The following CA10 variants were observed in gnomAD, a reference collection of about 807,000 sequenced individuals.
The protein encoded by CA10 is carbonic anhydrase 10 (inactive), also known as carbonic anhydrase-related protein 10.
In CA10, 14 loss-of-function variants were observed where a neutral mutation model predicts 44.2. The observed-to-expected ratio is 0.32, with a 90% CI of 0.21 to 0.50. The LOEUF is 0.50. Ranked by LOEUF, CA10 falls within the 20% of genes least tolerant of loss-of-function variation. The pLI is 0.99. For missense variants in CA10, 350 were observed against 409.7 expected (o/e 0.85, Z 1.26); for synonymous variants, 159 against 141.6 (o/e 1.12, Z -0.87).
intron 3 of CA10, among the ~76,000 whole-genome samples, chr17:51,885,107 C>T (rs1400785452): frequency 4.6e-5 from 7 of 152,178 alleles, no homozygotes; most frequent in Admixed American, 2.0e-4. Flanking sequence ...ACAATTCAAC[C>T]CCTAGCACCA....
intron 2 of CA10, among the ~76,000 whole-genome samples, chr17:52,001,351 A>T (rs1985418687): frequency 6.6e-6 from 1 of 152,038 alleles, no homozygotes; most frequent in African/African-American, 2.4e-5. Flanking sequence ...GTGATGCAGA[A>T]CTAAAAGAGA....
chr17:51,979,629 C>A (rs541202302), intron 2 of CA10, among the ~76,000 whole-genome samples: 1 of 152,142 alleles, frequency 6.6e-6, no homozygotes, highest in African/African-American at 2.4e-5. Flanking sequence ...AGAAATCTCA[C>A]GAACGTCTCA....
intron 1 of CA10, among the ~76,000 whole-genome samples, chr17:52,133,608 C>G (rs867835423): frequency 6.6e-6 from 1 of 152,106 alleles, no homozygotes; most frequent in East Asian, 1.9e-4. Context: ...TCCGACTGCT[C>G]TATGCATTTG....
chr17:51,788,528 A>C (rs1231885010), intron 3 of CA10, among the ~76,000 whole-genome samples: 1 of 152,182 alleles, frequency 6.6e-6, no homozygotes, highest in Non-Finnish European at 1.5e-5. Context: ...GAGGGGGTGG[A>C]TATCCTAATT....
chr17:51,643,695 T>C (rs1026611107), intron 6 of CA10, among the ~76,000 whole-genome samples: 5 of 152,224 alleles, frequency 3.3e-5, no homozygotes, highest in Non-Finnish European at 5.9e-5. Context: ...CTGTGTCCTG[T>C]ATTGCATTTA....
intron 1 of CA10, among the ~76,000 whole-genome samples, chr17:52,092,555 C>T (rs1446665235): frequency 6.6e-6 from 1 of 152,088 alleles, no homozygotes; most frequent in Non-Finnish European, 1.5e-5. Context: ...CTTCCTAATC[C>T]ATGGGCTGGG....
intron 1 of CA10, among the ~76,000 whole-genome samples, chr17:52,099,377 A>T (rs1988482964): frequency 6.6e-6 from 1 of 152,216 alleles, no homozygotes; most frequent in Non-Finnish European, 1.5e-5. Context: ...TAAGTGTGAT[A>T]TGTAGCCTTA....
At chr17:51,851,447 T>C (rs1347371828) in intron 3 of CA10, among the ~76,000 whole-genome samples, 2 of 152,176 alleles carry the variant, frequency 1.3e-5, no homozygotes, top group African/African-American at 4.8e-5. Flanking sequence ...CACCCATAAG[T>C]GGGAATAAAA....
chr17:52,018,075 C>A (rs2144147836), intron 2 of CA10, among the ~76,000 whole-genome samples: 1 of 152,236 alleles, frequency 6.6e-6, no homozygotes, highest in East Asian at 1.9e-4. Flanking sequence ...AGCTTCCACC[C>A]AGATTTCAGA....
intron 4 of CA10, among the ~76,000 whole-genome samples, chr17:51,672,833 C>T (rs1213676522): frequency 6.6e-6 from 1 of 152,192 alleles, no homozygotes; most frequent in South Asian, 2.1e-4. Flanking sequence ...GATCCCTCAC[C>T]CTGCCAGTCT....
Position 51,816,842 on chromosome 17 carries a change from C to T in CA10, c.280-69024G>A, listed in dbSNP as rs531108164. On this transcript the variant is annotated intron_variant, in intron 3 of 8. Coordinates refer to ENST00000451037, the MANE Select transcript of CA10 (RefSeq NM_020178.5). ...CACACCAGACTGTCAAAGAGGACCA[C>T]GGCACAAAAATATTGAGTTGCTGCT... 5.9e-5 allele frequency among the ~76,000 whole-genome samples: 9 copies of T among 152,130 alleles called. No homozygotes were observed. In the South Asian group the frequency reaches 1.0e-3, roughly 18 times the overall value.
chr17:51,638,549 G>A (rs966608079), intron 6 of CA10, among the ~76,000 whole-genome samples: 2 of 152,226 alleles, frequency 1.3e-5, no homozygotes, highest in African/African-American at 2.4e-5. Flanking sequence ...CGACGTGAGG[G>A]ACCTTGGGGG....
At chr17:51,721,927 T>G (rs1380000584) in intron 4 of CA10, among the ~76,000 whole-genome samples, 1 of 152,190 alleles carries the variant, frequency 6.6e-6, no homozygotes, top group Non-Finnish European at 1.5e-5. Context: ...TTATTATGTT[T>G]CCTTGAGTTC....
chr17:51,994,932 A>G (rs564847633), intron 2 of CA10, among the ~76,000 whole-genome samples: 3 of 152,140 alleles, frequency 2.0e-5, no homozygotes, highest in African/African-American at 7.2e-5. Flanking sequence ...CCTTTTCTAA[A>G]AACAGTGTTA....
chr17:51,701,875 A>G (rs552713395), intron 4 of CA10, among the ~76,000 whole-genome samples: 2 of 152,272 alleles, frequency 1.3e-5, no homozygotes, highest in South Asian at 4.1e-4. Context: ...CATTGTCTCC[A>G]CTCAGAACCT....
intron 2 of CA10, among the ~76,000 whole-genome samples, chr17:52,038,698 G>A (rs759991240): frequency 4.6e-5 from 7 of 152,052 alleles, no homozygotes; most frequent in Non-Finnish European, 1.0e-4. Flanking sequence ...TATTTTGCAG[G>A]CATTTTGCAA....
At chr17:51,815,636 GGGA>G (rs2143749363) in intron 3 of CA10, among the ~76,000 whole-genome samples, 1 of 152,116 alleles carries the variant, frequency 6.6e-6, no homozygotes, top group Non-Finnish European at 1.5e-5. Flanking sequence ...TAAAATCCAG[GGGA>G]GAATTCTGAA....
chr17:52,151,686 T>C (rs893801400), intron 1 of CA10, among the ~76,000 whole-genome samples: 2 of 152,140 alleles, frequency 1.3e-5, no homozygotes, highest in East Asian at 1.9e-4. Context: ...AGTATTGTTA[T>C]TGATGTCAGT....
intron 1 of CA10, among the ~76,000 whole-genome samples, chr17:52,127,458 G>T (rs924005941): frequency 2.6e-5 from 4 of 152,098 alleles, no homozygotes; most frequent in Admixed American, 6.5e-5. Context: ...GTATAATTGT[G>T]GCTTCAGAAG....
Sources: allele counts gnomAD v4.1 joint callset (sites outside exome capture counted in the v4.1 genomes callset), GRCh38; gene constraint gnomAD v4.1.1; transcripts MANE v1.5; gene names NCBI Gene and HGNC (gene_info 2026-07-23, HGNC 2026-07-21).